CPNE4: variants seen among roughly 807,000 people sequenced by gnomAD.
CPNE4 encodes copine 4, also known as copine-4.
CPNE4 carries 25 observed loss-of-function variants against 67.9 expected under a neutral mutation model. The observed-to-expected ratio is 0.37, with a 90% confidence interval of 0.27 to 0.51. The LOEUF is 0.51. CPNE4 is among the 20% of genes least tolerant of loss of function. CPNE4 has a pLI of 0.93. For synonymous variants in CPNE4, 242 were observed against 244.9 expected, an observed-to-expected ratio of 0.99 and a Z score of 0.11; for missense variants, 464 against 690.8, an observed-to-expected ratio of 0.67 and a Z score of 3.68.
intron 2 of CPNE4, among the ~76,000 whole-genome samples, chr3:131,904,743 G>A (rs762407635): frequency 2.0e-5 from 3 of 151,986 alleles, no homozygotes; most frequent in Non-Finnish European, 4.4e-5. Context: ...CTTTCAATTC[G>A]GGACCTATGG....
intron 5 of CPNE4, among the ~76,000 whole-genome samples, chr3:131,696,059 A>T (rs2081149091): frequency 6.6e-6 from 1 of 152,222 alleles, no homozygotes; most frequent in African/African-American, 2.4e-5. Context: ...TGATGAATGA[A>T]TGAACAAATT....
intron 7 of CPNE4, among the ~76,000 whole-genome samples, chr3:131,614,514 G>A (rs1231135362): frequency 6.6e-6 from 1 of 152,158 alleles, no homozygotes. Context: ...AAAAAAAGTA[G>A]GTGTTTAATA....
At chr3:131,563,143 A>T (rs1936873012) in intron 11 of CPNE4, among the ~76,000 whole-genome samples, 1 of 152,034 alleles carries the variant, frequency 6.6e-6, no homozygotes, top group Non-Finnish European at 1.5e-5. Context: ...TGTGGAGGAT[A>T]ACAGGTTTTT....
intron 2 of CPNE4, among the ~76,000 whole-genome samples, chr3:131,808,838 A>G (rs1256554046): frequency 6.6e-6 from 1 of 152,202 alleles, no homozygotes; most frequent in East Asian, 1.9e-4. Context: ...TTACAGAAGA[A>G]TTTATTGTAT....
intron 15 of CPNE4, 110 bp from the exon 16 acceptor site, chr3:131,535,439 C>G: frequency 8.8e-7 from 1 of 1,135,350 alleles, no homozygotes; most frequent in Non-Finnish European, 1.2e-6. Context: ...CACTTTCATT[C>G]ATTCGTTATT....
At chr3:131,829,418 A>G (rs2085287194) in intron 2 of CPNE4, among the ~76,000 whole-genome samples, 2 of 152,202 alleles carry the variant, frequency 1.3e-5, no homozygotes, top group South Asian at 4.1e-4. Context: ...TTCACTAGTA[A>G]TGTCACAGCT....
At chr3:131,618,215 C>T (rs1274745142) in intron 7 of CPNE4, among the ~76,000 whole-genome samples, 1 of 152,018 alleles carries the variant, frequency 6.6e-6, no homozygotes, top group Non-Finnish European at 1.5e-5. Flanking sequence ...AAGGCAGAGG[C>T]AGCTGTAAAA....
chr3:132,014,631 A>T (rs2107681290), intron 1 of CPNE4, among the ~76,000 whole-genome samples: 1 of 152,248 alleles, frequency 6.6e-6, no homozygotes, highest in African/African-American at 2.4e-5. Flanking sequence ...TTTAACATTG[A>T]CATTTGGGAG....
intron 2 of CPNE4, among the ~76,000 whole-genome samples, chr3:131,801,452 G>GTATATATATATA (rs71136416): frequency 0.014 from 721 of 53,268 alleles, 22 homozygotes; most frequent in Middle Eastern, 0.041. Context: ...GTGTGTGTGT[G>GTATATATATATA]TATATATATA....
intron 11 of CPNE4, among the ~76,000 whole-genome samples, chr3:131,557,514 G>A (rs1022401552): frequency 6.6e-6 from 1 of 152,066 alleles, no homozygotes; most frequent in Non-Finnish European, 1.5e-5. Context: ...CAAATTTGGG[G>A]TTAGGGGCTG....
intron 14 of CPNE4, among the ~76,000 whole-genome samples, chr3:131,545,173 A>G (rs1935755803): frequency 6.6e-6 from 1 of 152,194 alleles, no homozygotes. Flanking sequence ...ATAATATTTT[A>G]TTTATGGACA....
chr3:131,655,927 T>C (rs946327063), intron 7 of CPNE4, among the ~76,000 whole-genome samples: 3 of 152,124 alleles, frequency 2.0e-5, no homozygotes, highest in Admixed American at 6.6e-5. Context: ...GCCAGTGAAA[T>C]AAAAAGGACC....
intron 2 of CPNE4, among the ~76,000 whole-genome samples, chr3:131,812,659 C>G (rs1373487078): frequency 1.3e-5 from 2 of 152,152 alleles, no homozygotes; most frequent in Non-Finnish European, 2.9e-5. Context: ...ACATATTGAG[C>G]ATTTACTGTG....
intron 3 of CPNE4, among the ~76,000 whole-genome samples, chr3:131,718,543 G>A (rs1456118494): frequency 2.0e-5 from 3 of 152,138 alleles, no homozygotes; most frequent in African/African-American, 7.2e-5. Flanking sequence ...TGTCCCAAGA[G>A]TCCTTATTTC....
intron 1 of CPNE4, among the ~76,000 whole-genome samples, chr3:131,953,129 A>G (rs1449213258): frequency 2.0e-5 from 3 of 151,704 alleles, no homozygotes; most frequent in African/African-American, 7.3e-5. Context: ...TCCTCTGCCT[A>G]GGAAAACCAG....
intron 7 of CPNE4, among the ~76,000 whole-genome samples, chr3:131,606,715 G>A (rs971062698): frequency 6.6e-5 from 10 of 152,064 alleles, no homozygotes; most frequent in Non-Finnish European, 1.3e-4. Context: ...TATCTGACCT[G>A]GGTCTGGATC....
At chr3:131,929,005 T>A (rs2070975086) in intron 1 of CPNE4, among the ~76,000 whole-genome samples, 1 of 152,074 alleles carries the variant, frequency 6.6e-6, no homozygotes, top group Non-Finnish European at 1.5e-5. Flanking sequence ...TAAACTACAG[T>A]TGCAAAGAAG....
chr3:131,935,631 A>G (rs1010045552), intron 1 of CPNE4, among the ~76,000 whole-genome samples: 9 of 152,128 alleles, frequency 5.9e-5, no homozygotes, highest in Non-Finnish European at 8.8e-5. Flanking sequence ...AAGACTGAAC[A>G]AGGCCTTCAA....
chr3:131,878,822 G>C (rs1354082868), intron 2 of CPNE4, among the ~76,000 whole-genome samples: 1 of 152,160 alleles, frequency 6.6e-6, no homozygotes, highest in African/African-American at 2.4e-5. Flanking sequence ...ATCAAATACA[G>C]CAAGAAGGAA....
Sources: gnomAD v4.1 joint callset for allele counts (sites outside exome capture counted in the v4.1 genomes callset) on GRCh38, gnomAD v4.1.1 for gene constraint, MANE v1.5 for transcripts, NCBI Gene and HGNC (gene_info 2026-07-23, HGNC 2026-07-21) for gene names.